RBM39: variants seen among roughly 807,000 people sequenced by gnomAD.
RBM39 encodes the protein RNA-binding protein 39.
A neutral mutation model predicts 79.6 loss-of-function variants in RBM39; 12 were observed. The ratio of observed to expected loss-of-function variants is 0.15; its 90% CI spans 0.10 to 0.24. RBM39 has a LOEUF of 0.24. Among genes scored for constraint, RBM39 ranks in the 10% least tolerant of loss-of-function variants. The probability of loss-of-function intolerance (pLI) is 1.00; values close to 1 mark genes in which losing one functional copy is unlikely to be tolerated. For missense variants in RBM39, 243 were observed against 653.4 expected, an observed-to-expected ratio of 0.37 and a Z score of 6.85; for synonymous variants, 185 against 208.4, an observed-to-expected ratio of 0.89 and a Z score of 0.97.
At chr20:35,722,136 G>C (rs981876671) in intron 8 of RBM39, among the ~76,000 whole-genome samples, 1 of 152,102 alleles carries the variant, frequency 6.6e-6, no homozygotes, top group Admixed American at 6.6e-5. Context: ...GGCTGGGCAC[G>C]ATGGCTCACA....
chr20:35,713,122 C>T (rs781172596), intron 11 of RBM39, 26 bp from the exon 12 acceptor site: 2 of 1,596,402 alleles, frequency 1.3e-6, no homozygotes, highest in Admixed American at 1.7e-5. Context: ...CTTAAAGTTC[C>T]TACTATGTTG....
intron 8 of RBM39, among the ~76,000 whole-genome samples, chr20:35,723,367 C>T (rs2038237934): frequency 6.6e-6 from 1 of 152,184 alleles, no homozygotes; most frequent in Non-Finnish European, 1.5e-5. Flanking sequence ...TATGCTACTT[C>T]TCAGCCCTGG....
chr20:35,739,088 G>A (rs995128101), intron 2 of RBM39, 71 bp from the exon 3 acceptor site: 4 of 1,221,750 alleles, frequency 3.3e-6, no homozygotes, highest in East Asian at 2.3e-5. Context: ...AGGGTAAAGG[G>A]AACAGGAATA....
At chr20:35,741,024 A>ATTTTTT (rs1600675384) in intron 1 of RBM39, 137 bp from the exon 2 acceptor site, 27 of 78,036 alleles carry the variant, frequency 3.5e-4, no homozygotes, top group South Asian at 1.8e-3. Context: ...GTGAGTAAAC[A>ATTTTTT]TTTTTCTTTT....
chr20:35,736,682 C>T, intron 3 of RBM39: 2 of 437,678 alleles, frequency 4.6e-6, no homozygotes, highest in Admixed American at 2.7e-5. Context: ...GACGGAGTCT[C>T]GCTCTGTCTC....
At chr20:35,722,389 AGAGT>A (rs1278557257) in intron 8 of RBM39, among the ~76,000 whole-genome samples, 2 of 149,942 alleles carry the variant, frequency 1.3e-5, no homozygotes, top group Non-Finnish European at 3.0e-5. Flanking sequence ...CCTGGGTGAC[AGAGT>A]GAGACTCAGT....
In RBM39 at chr20:35,729,856, AC is replaced by A. The variant is rs745832898; in HGVS notation, c.297-330del. Reference sequence around the variant, plus strand: ...AGTCTTGAGAATTAAAAAAAAAAAAACACACACACACATATATAAAAAATAA... The same window carrying A: ...AGTCTTGAGAATTAAAAAAAAAAAAAACACACACACATATATAAAAAATAA... On this transcript the variant is annotated intron_variant, in intron 4 of 16. Coordinates refer to ENST00000253363, the MANE Select transcript of RBM39 (RefSeq NM_184234.3). 6.5e-3 allele frequency among the ~76,000 whole-genome samples: 942 copies of A among 144,168 alleles called. 4 individuals are homozygous for A. The highest frequency in any genetic ancestry group is 0.011 in the Non-Finnish European group (685 of 65,234). 94.6% of individuals were successfully genotyped at this position (144,168 alleles called of 152,430 possible). A position where few individuals can be genotyped will look rare whatever the true frequency, so the allele number is the denominator to read the frequency against.
chr20:35,712,105 G>A (rs1032288056), intron 12 of RBM39, among the ~76,000 whole-genome samples: 24 of 151,980 alleles, frequency 1.6e-4, no homozygotes, highest in African/African-American at 5.6e-4. Context: ...CTAAAAGCAC[G>A]TCTTTGACAT....
At chr20:35,734,340 A>G (rs746701762) in intron 3 of RBM39, 4 of 761,764 alleles carry the variant, frequency 5.3e-6, no homozygotes, top group Non-Finnish European at 8.0e-6. Flanking sequence ...TACACTCATT[A>G]TTTATATAGA....
In RBM39 at chr20:35,701,779, G is replaced by A. The variant is rs1304260589; in HGVS notation, c.*2702C>T. 1 of 152,026 alleles carries A rather than the reference G, an allele frequency of 6.6e-6. No homozygotes were observed. Among genetic ancestry groups the A allele is most frequent in the Non-Finnish European group, 1.5e-5 (1 of 68,040 alleles). 9.4% of individuals were successfully genotyped at this position (152,026 alleles called of 1,614,324 possible). A position where few individuals can be genotyped will look rare whatever the true frequency, so the allele number is the denominator to read the frequency against. On this transcript the variant is annotated 3_prime_UTR_variant, in exon 17 of 17. Coordinates refer to ENST00000253363, the MANE Select transcript of RBM39 (RefSeq NM_184234.3). Reference sequence around the variant, plus strand: ...AAAACAAAAAAAATTTGTATTCTTAGTAGAGACGGGGTTTCACTGTGTTGG... The same window carrying A: ...AAAACAAAAAAAATTTGTATTCTTAATAGAGACGGGGTTTCACTGTGTTGG...
At position 35,714,287 on chromosome 20, in the gene RBM39, C is replaced by G. The variant is rs764056521; in HGVS notation, c.994G>C (p.Ala332Pro). The G allele has an allele frequency of 6.2e-7, 1 of 1,614,102 alleles. No individual in the cohort carries two copies. Among genetic ancestry groups the G allele is most frequent in the Non-Finnish European group, 8.5e-7 (1 of 1,179,992 alleles). The stretch of plus-strand genomic sequence containing the variant: ...TCCAAAAATGAACTAGCACTCGAAG[C>G]ATCAGTACGTTCAGTAACATGACCA... ...KVGHVTERTD[A>P]SSASSFLDSD... is the part of the protein sequence containing the mutation. The change falls in exon 11 of 17, where the codon GCT becomes CCT. Residue 332 changes from alanine (A) to proline (P), a missense_variant. Around this residue, in one of 4 missense-constraint regions of RBM39, gnomAD observed 61 missense variants for 322.9 expected, o/e 0.19. Coordinates refer to ENST00000253363, the MANE Select transcript of RBM39 (RefSeq NM_184234.3).
intron 10 of RBM39, among the ~76,000 whole-genome samples, chr20:35,714,968 T>C (rs2146540953): frequency 6.6e-6 from 1 of 152,264 alleles, no homozygotes; most frequent in East Asian, 1.9e-4. Context: ...AAAATAAAAT[T>C]GGTGAGCTAT....
chr20:35,721,983 A>T, intron 8 of RBM39, 106 bp from the exon 9 acceptor site: 1 of 1,314,518 alleles, frequency 7.6e-7, no homozygotes, highest in South Asian at 1.3e-5. Flanking sequence ...TGATAAAAAT[A>T]CTACCCTACG....
intron 13 of RBM39, among the ~76,000 whole-genome samples, chr20:35,708,285 C>T (rs2146494239): frequency 6.6e-6 from 1 of 151,944 alleles, no homozygotes; most frequent in Non-Finnish European, 1.5e-5. Flanking sequence ...CACTGTGTAG[C>T]TTACAGAAGA....
intron 13 of RBM39, among the ~76,000 whole-genome samples, chr20:35,708,146 T>A (rs981024344): frequency 6.6e-6 from 1 of 151,978 alleles, no homozygotes; most frequent in Non-Finnish European, 1.5e-5. Context: ...AGCTTCTCTG[T>A]AACATATAAG....
chr20:35,726,771 A>ACT (rs926761948), intron 6 of RBM39, among the ~76,000 whole-genome samples: 106 of 152,164 alleles, frequency 7.0e-4, no homozygotes, highest in African/African-American at 2.4e-3. Flanking sequence ...TTTTTTGGAC[A>ACT]CTCTCAGGAT....
At chr20:35,719,862 A>G (rs2037685826) in intron 9 of RBM39, among the ~76,000 whole-genome samples, 1 of 151,836 alleles carries the variant, frequency 6.6e-6, no homozygotes, top group African/African-American at 2.4e-5. Flanking sequence ...GGCTCACTGC[A>G]ATCTCTGCCA....
chr20:35,707,306 G>A, intron 13 of RBM39, 105 bp from the exon 14 acceptor site: 1 of 587,556 alleles, frequency 1.7e-6, no homozygotes, highest in Non-Finnish European at 2.9e-6. Context: ...ATGTAACTAG[G>A]ATGTCACTGG....
In RBM39 at chr20:35,738,546, G is replaced by T. The variant is rs139769891; in HGVS notation, c.101+422C>A. ...CAGCAAGTTGCAGAAATAATTCACA[G>T]CTTTGACTCCTTCGGCACTTTAGGG... On this transcript the variant is annotated intron_variant, in intron 3 of 16. Transcript: ENST00000253363. Among the ~76,000 whole-genome samples, 1,148 of 152,292 alleles carry T rather than the reference G, an allele frequency of 7.5e-3. 13 individuals are homozygous for T. Among genetic ancestry groups the T allele is most frequent in the African/African-American group, 0.026 (1,094 of 41,560 alleles).
Sources: allele counts gnomAD v4.1 joint callset (sites outside exome capture counted in the v4.1 genomes callset), GRCh38; gene constraint gnomAD v4.1.1; regional missense constraint gnomAD v4.1.1; transcripts MANE v1.5; gene names NCBI Gene and HGNC (gene_info 2026-07-23, HGNC 2026-07-21).